ANO2: variants seen among roughly 807,000 people sequenced by gnomAD.
ANO2 encodes the protein anoctamin 2, also known as anoctamin-2.
ANO2 carries 101 observed loss-of-function variants against 124.2 expected under a neutral mutation model. That is an observed-to-expected ratio of 0.81 (90% CI 0.69 to 0.96). ANO2 has a LOEUF of 0.96. ANO2 is among the 40% of genes least tolerant of loss of function. The pLI, the probability that ANO2 is intolerant of heterozygous loss-of-function variation, is 0.00. For synonymous variants in ANO2, 486 were observed against 482.5 expected (o/e 1.01, Z -0.09); for missense variants, 1,293 against 1,274.5 (o/e 1.01, Z -0.22).
chr12:5,576,061 A>G, intron 22 of ANO2, 46 bp from the exon 23 acceptor site: 1 of 1,526,766 alleles, frequency 6.5e-7, no homozygotes, highest in Non-Finnish European at 8.9e-7. Flanking sequence ...ATTGATGCTA[A>G]AAAGGACTGT....
At chr12:5,744,980 G>A (rs764030947) in intron 11 of ANO2, among the ~76,000 whole-genome samples, 1 of 152,236 alleles carries the variant, frequency 6.6e-6, no homozygotes, top group Non-Finnish European at 1.5e-5. Context: ...GAGAATGAAA[G>A]AGCAAGGCAA....
intron 14 of ANO2, among the ~76,000 whole-genome samples, chr12:5,693,648 A>AC (rs1160075477): frequency 2.0e-5 from 3 of 151,274 alleles, no homozygotes; most frequent in Admixed American, 2.0e-4. Flanking sequence ...ATATCCAGAG[A>AC]CCCCCTCAAT....
At chr12:5,806,427 C>G (rs1427109123) in intron 8 of ANO2, among the ~76,000 whole-genome samples, 1 of 152,222 alleles carries the variant, frequency 6.6e-6, no homozygotes, top group African/African-American at 2.4e-5. Flanking sequence ...CCATGACATG[C>G]TCACTCTGTC....
At chr12:5,817,507 A>G (rs1456592917) in intron 7 of ANO2, among the ~76,000 whole-genome samples, 6 of 152,210 alleles carry the variant, frequency 3.9e-5, no homozygotes, top group African/African-American at 1.4e-4. Flanking sequence ...AAAACAAGCA[A>G]GAAAGAGATT....
At chr12:5,731,677 C>T (rs1950641700) in intron 14 of ANO2, among the ~76,000 whole-genome samples, 1 of 151,930 alleles carries the variant, frequency 6.6e-6, no homozygotes, top group South Asian at 2.1e-4. Flanking sequence ...TCCCCATGTC[C>T]CCCCAACATA....
At chr12:5,777,782 G>A (rs1478552006) in intron 10 of ANO2, among the ~76,000 whole-genome samples, 5 of 152,196 alleles carry the variant, frequency 3.3e-5, no homozygotes. Flanking sequence ...CCAAATGGCA[G>A]CAGCACCCAG....
chr12:5,885,712 A>G, intron 3 of ANO2, among the ~76,000 whole-genome samples: 1 of 152,180 alleles, frequency 6.6e-6, no homozygotes, highest in African/African-American at 2.4e-5. Flanking sequence ...AATGCCCCTC[A>G]ACACCTTGCA....
intron 15 of ANO2, among the ~76,000 whole-genome samples, chr12:5,637,201 G>A (rs1359157736): frequency 6.6e-6 from 1 of 152,096 alleles, no homozygotes. Flanking sequence ...CCATTTCTCT[G>A]GGATTGTCAC....
intron 1 of ANO2, among the ~76,000 whole-genome samples, chr12:5,928,143 G>A (rs1190249365): frequency 6.7e-6 from 1 of 148,616 alleles, no homozygotes; most frequent in Non-Finnish European, 1.5e-5. Context: ...AGAGAGACCA[G>A]CAGCAGGAGG....
chr12:5,838,185 A>G (rs1250958711), intron 4 of ANO2, among the ~76,000 whole-genome samples: 1 of 152,192 alleles, frequency 6.6e-6, no homozygotes, highest in Admixed American at 6.5e-5. Context: ...GAAACGGGCT[A>G]AAGGGAGTGG....
intron 1 of ANO2, among the ~76,000 whole-genome samples, chr12:5,929,637 CTTACTAGTCTACCTTCT>C (rs1266476452): frequency 1.0e-4 from 1 of 9,840 alleles, no homozygotes; most frequent in Non-Finnish European, 2.0e-4. Flanking sequence ...ACCTTCCTTC[CTTACTAGTCTACCTTCT>C]TTATTAGTCA....
At position 5,712,230 on chromosome 12, in the gene ANO2, A is replaced by G. The variant is rs139551259; in HGVS notation, c.1545+20290T>C. Among the ~76,000 whole-genome samples, 165 of 152,110 alleles carry G rather than the reference A, an allele frequency of 1.1e-3. 1 individual carries two copies. The highest frequency in any genetic ancestry group is 1.3e-3 in the Non-Finnish European group (87 of 67,992). On this transcript the variant is annotated intron_variant, in intron 14 of 24. Coordinates refer to ENST00000682330, the MANE Select transcript of ANO2 (RefSeq NM_001364791.2). ...TAAGCAGTTGAATTGTGCTCCACCC[A>G]CTAAATGATAGGCCCGGGTTCTAAC...
intron 19 of ANO2, among the ~76,000 whole-genome samples, chr12:5,603,842 G>A (rs1253502138): frequency 6.7e-6 from 1 of 150,052 alleles, no homozygotes; most frequent in East Asian, 2.0e-4. Flanking sequence ...CTACTCGGGA[G>A]GCTGAGGCAG....
In ANO2 at chr12:5,932,395, AAGAT is replaced by A; in HGVS notation, c.23-9595_23-9592del. Among the ~76,000 whole-genome samples the A allele has an allele frequency of 6.8e-5, 10 of 145,994 alleles. 1 individual carries two copies. Among genetic ancestry groups the A allele is most frequent in the African/African-American group, 2.3e-4 (9 of 39,674 alleles). ...AAAGAAGGCAGACGAGTGAGGAAAG[AAGAT>A]AGACTAGTAAGGAAGGAAGACTGGT... On this transcript the variant is annotated intron_variant, in intron 1 of 24. Transcript: ENST00000682330.
At chr12:5,736,581 C>A (rs1340406685) in intron 13 of ANO2, among the ~76,000 whole-genome samples, 1 of 152,212 alleles carries the variant, frequency 6.6e-6, no homozygotes, top group Non-Finnish European at 1.5e-5. Flanking sequence ...GCCTTCCACT[C>A]ACTCCTCGTT....
At chr12:5,916,924 T>C (rs17786394) in intron 3 of ANO2, among the ~76,000 whole-genome samples, 23,065 of 152,136 alleles carry the variant, frequency 0.15, 1,985 homozygotes, top group Middle Eastern at 0.2. Context: ...CAGATCATAA[T>C]AACTACCTTT....
At chr12:5,894,202 C>T (rs1266017469) in intron 3 of ANO2, among the ~76,000 whole-genome samples, 1 of 152,206 alleles carries the variant, frequency 6.6e-6, no homozygotes, top group Non-Finnish European at 1.5e-5. Flanking sequence ...GAGATGGTAT[C>T]TCATTGTGGT....
intron 14 of ANO2, among the ~76,000 whole-genome samples, chr12:5,684,083 C>A (rs1948608270): frequency 1.3e-5 from 2 of 152,194 alleles, no homozygotes; most frequent in African/African-American, 2.4e-5. Context: ...CAGTCACAGG[C>A]AAGGCATAGG....
chr12:5,821,939 T>C (rs1333885317), intron 7 of ANO2, among the ~76,000 whole-genome samples: 1 of 152,084 alleles, frequency 6.6e-6, no homozygotes, highest in Non-Finnish European at 1.5e-5. Context: ...TCTTCCCCAG[T>C]CTACACCAAT....
Sources: gnomAD v4.1 joint callset for allele counts (sites outside exome capture counted in the v4.1 genomes callset) on GRCh38, gnomAD v4.1.1 for gene constraint, MANE v1.5 for transcripts, NCBI Gene and HGNC (gene_info 2026-07-23, HGNC 2026-07-21) for gene names.